The following PIM1 variants were observed in gnomAD, a reference collection of about 807,000 sequenced individuals.
PIM1 encodes serine/threonine-protein kinase pim-1.
Under a neutral mutation model 34.5 loss-of-function variants are expected in PIM1, and 9 were observed. That is an observed-to-expected ratio of 0.26 (90% CI 0.16 to 0.46). PIM1 has a LOEUF of 0.46. PIM1 is among the 20% of genes least tolerant of loss of function. The pLI is 1.00. For missense variants in PIM1, 274 were observed against 410.9 expected (o/e 0.67, Z 2.88); for synonymous variants, 199 against 175.2 (o/e 1.14, Z -1.07).
At chr6:37,173,839 AGACTTGT>A in intron 5 of PIM1, 88 bp from the exon 6 acceptor site, 1 of 1,198,712 alleles carries the variant, frequency 8.3e-7, no homozygotes, top group South Asian at 1.5e-5. Flanking sequence ...CTGGGACCCC[AGACTTGT>A]GGGCCTCTGA....
chr6:37,173,048 C>G lies in PIM1; in HGVS notation c.660C>G (p.Gly220=), dbSNP rs1360064657. 1 of 1,614,180 alleles carries G rather than the reference C, an allele frequency of 6.2e-7. No individual in the cohort carries two copies. The highest frequency in any genetic ancestry group is 8.5e-7 in the Non-Finnish European group (1 of 1,180,022). The change falls in exon 5 of 6, where the codon GGC becomes GGG. Residue 220 remains glycine (G), a synonymous_variant. Coordinates refer to ENST00000373509, the MANE Select transcript of PIM1 (RefSeq NM_002648.4). ...PEWIRYHRYH[G]RSAAVWSLGI... is the part of the protein sequence containing the mutation. The stretch of plus-strand genomic sequence containing the variant: ...GGATCCGCTACCATCGCTACCATGG[C>G]AGGTCGGCGGCAGTCTGGTCCCTGG...
chr6:37,175,132 C>G lies in PIM1; in HGVS notation c.*1041C>G, dbSNP rs528065927. 1 of 233,282 alleles carries G rather than the reference C, an allele frequency of 4.3e-6. No individual in the cohort carries two copies. The highest frequency in any genetic ancestry group is 5.6e-5 in the Admixed American group (1 of 17,726). 14.5% of individuals were successfully genotyped at this position (233,282 alleles called of 1,614,324 possible). On this transcript the variant is annotated 3_prime_UTR_variant, in exon 6 of 6. Transcript: ENST00000373509. ...GACGCTTGCTCTGTTTGTGGGGTGACGGGACTCAGGCGGGACAGTGCTGCA... is the reference window on the plus strand; with the variant it reads ...GACGCTTGCTCTGTTTGTGGGGTGAGGGGACTCAGGCGGGACAGTGCTGCA...
chr6:37,173,928 C>T lies in PIM1; in HGVS notation c.785-6C>T, dbSNP rs772545983. 3.1e-6 allele frequency: 5 copies of T among 1,609,298 alleles called. No individual in the cohort carries two copies. Among genetic ancestry groups the T allele is most frequent in the Non-Finnish European group, 4.2e-6 (5 of 1,177,700 alleles). ...TTCATAACCTCGTCTATCCTCCTTTCTGCAGAATGTCAGCATCTCATTAGA... is the reference window on the plus strand; with the variant it reads ...TTCATAACCTCGTCTATCCTCCTTTTTGCAGAATGTCAGCATCTCATTAGA... On this transcript the variant is annotated splice_polypyrimidine_tract_variant and splice_region_variant and intron_variant, in intron 5 of 5. Coordinates refer to ENST00000373509, the MANE Select transcript of PIM1 (RefSeq NM_002648.4).
Position 37,174,105 on chromosome 6 carries a change from A to G in PIM1, c.*14A>G, listed in dbSNP as rs9470511. ...CCCAGCAAATAGCAGCCTTTCTGGC[A>G]GGTCCTCCCCTCTCTTGTCAGATGC... On this transcript the variant is annotated 3_prime_UTR_variant, in exon 6 of 6. Transcript: ENST00000373509. 4 of 1,609,140 alleles carry G rather than the reference A, an allele frequency of 2.5e-6. No individual in the cohort carries two copies. In the Admixed American group the frequency reaches 6.7e-5, roughly 27 times the overall value.
Position 37,170,324 on chromosome 6 carries a change from C to T in PIM1, c.-252C>T, listed in dbSNP as rs1339896365. 6.8e-7 allele frequency: 1 copy of T among 1,481,016 alleles called. No homozygotes were observed. Among genetic ancestry groups the T allele is most frequent in the Admixed American group, 2.2e-5 (1 of 45,548 alleles). The allele number at this position is 1,481,016 out of a possible 1,614,324, so 91.7% of individuals were successfully genotyped here. ...GGCGCTGCCGCACGAGCCCCACGAG[C>T]CGCTCACCCCGCCGTTCTCAGCGCT... On this transcript the variant is annotated 5_prime_UTR_variant, in exon 1 of 6. Coordinates refer to ENST00000373509, the MANE Select transcript of PIM1 (RefSeq NM_002648.4).
chr6:37,173,149 T>C lies in PIM1; in HGVS notation c.761T>C (p.Phe254Ser). 1.2e-6 allele frequency: 2 copies of C among 1,614,198 alleles called. No homozygotes were observed. Among genetic ancestry groups the C allele is most frequent in the Non-Finnish European group, 1.7e-6 (2 of 1,180,044 alleles). Reference sequence around the variant, plus strand: ...GAAGAGATCATCAGGGGCCAGGTTTTCTTCAGGCAGAGGGTCTCTTCAGGT... The same window carrying C: ...GAAGAGATCATCAGGGGCCAGGTTTCCTTCAGGCAGAGGGTCTCTTCAGGT... The part of the protein sequence containing the change: ...HDEEIIRGQV[F>S]FRQRVSSECQ... Residue 254 changes from phenylalanine (F) to serine (S), a missense_variant, in exon 5 of 6, where the codon TTC becomes TCC. Phe to Ser is a radical substitution (Grantham distance 155). Transcript: ENST00000373509.
Position 37,174,121 on chromosome 6 carries a change from T to G in PIM1, c.*30T>G. 6.3e-7 allele frequency: 1 copy of G among 1,595,106 alleles called. No individual in the cohort carries two copies. ...CTTTCTGGCAGGTCCTCCCCTCTCT[T>G]GTCAGATGCCCGAGGGAGGGGAAGC... is the stretch of plus-strand genomic sequence containing the variant. On this transcript the variant is annotated 3_prime_UTR_variant, in exon 6 of 6. Transcript: ENST00000373509.
chr6:37,172,981 T>C lies in PIM1; in HGVS notation c.608-15T>C, dbSNP rs1397966868. On this transcript the variant is annotated splice_polypyrimidine_tract_variant and intron_variant, in intron 4 of 5. Transcript: ENST00000373509. ...GCTAAAAGTGTGTTTTCTCTTCTAT[T>C]CCCTTGGCTCACAGGGACCCGAGTG... 1 of 1,612,716 alleles carries C rather than the reference T, an allele frequency of 6.2e-7. No homozygotes were observed.
At position 37,170,329 on chromosome 6, in the gene PIM1, CACCCCGCCGTTCTCAGCGCTGCCCG is replaced by C. The variant is rs1276106751; in HGVS notation, c.-239_-215del. 1 of 1,488,970 alleles carries C rather than the reference CACCCCGCCGTTCTCAGCGCTGCCCG, an allele frequency of 6.7e-7. No homozygotes were observed. Among genetic ancestry groups the C allele is most frequent in the Admixed American group, 2.2e-5 (1 of 46,398 alleles). The allele number at this position is 1,488,970 out of a possible 1,614,324, so 92.2% of individuals were successfully genotyped here. A position where few individuals can be genotyped will look rare whatever the true frequency, so the allele number is the denominator to read the frequency against. ...TGCCGCACGAGCCCCACGAGCCGCTCACCCCGCCGTTCTCAGCGCTGCCCGACCCCGCTGGCGCGCCCTCCCGCCG... is the reference window on the plus strand; with the variant it reads ...TGCCGCACGAGCCCCACGAGCCGCTCACCCCGCTGGCGCGCCCTCCCGCCG... On this transcript the variant is annotated 5_prime_UTR_variant, in exon 1 of 6. Coordinates refer to ENST00000373509, the MANE Select transcript of PIM1 (RefSeq NM_002648.4).
chr6:37,170,341 C>G lies in PIM1; in HGVS notation c.-235C>G. On this transcript the variant is annotated 5_prime_UTR_variant, in exon 1 of 6. Transcript: ENST00000373509. ...CCCACGAGCCGCTCACCCCGCCGTTCTCAGCGCTGCCCGACCCCGCTGGCG... is the reference window on the plus strand; with the variant it reads ...CCCACGAGCCGCTCACCCCGCCGTTGTCAGCGCTGCCCGACCCCGCTGGCG... 2 of 1,502,084 alleles carry G rather than the reference C, an allele frequency of 1.3e-6. No individual in the cohort carries two copies. The highest frequency in any genetic ancestry group is 1.8e-6 in the Non-Finnish European group (2 of 1,130,732). The allele number at this position is 1,502,084 out of a possible 1,614,324, so 93.0% of individuals were successfully genotyped here.
chr6:37,172,367 C>T (rs1762304584), intron 4 of PIM1: 4 of 340,724 alleles, frequency 1.2e-5, no homozygotes, highest in South Asian at 9.2e-5. Flanking sequence ...TGAGCACCAG[C>T]GGCATGGCCC....
chr6:37,172,873 A>G, intron 4 of PIM1, 123 bp from the exon 5 acceptor site: 1 of 848,356 alleles, frequency 1.2e-6, no homozygotes, highest in Non-Finnish European at 1.9e-6. Context: ...AATGGAGTTC[A>G]CCTAGCTCCT....
rs778892108 is a variant in PIM1, at chr6:37,171,487, C to T, written c.603C>T (p.Phe201=). ...ALLKDTVYTD[F]DGTRVYSPPE... ...TCAAGGACACCGTCTACACGGACTT[C>T]GATGGTGAGCCAGGCCCGGGAGGGA... The change falls in exon 4 of 6, where the codon TTC becomes TTT. Residue 201 remains phenylalanine, a synonymous_variant. Transcript: ENST00000373509. 2.5e-6 allele frequency: 4 copies of T among 1,613,096 alleles called. No homozygotes were observed. The highest frequency in any genetic ancestry group is 2.7e-5 in the African/African-American group (2 of 75,074).
chr6:37,173,854 T>G (rs1762352395), intron 5 of PIM1, 80 bp from the exon 6 acceptor site: 1 of 1,396,094 alleles, frequency 7.2e-7, no homozygotes, highest in African/African-American at 1.4e-5. Context: ...TGTGGGCCTC[T>G]GAGAAGCAAA....
chr6:37,173,870 A>AT (rs1323983938), intron 5 of PIM1, 64 bp from the exon 6 acceptor site: 1 of 1,471,652 alleles, frequency 6.8e-7, no homozygotes, highest in Non-Finnish European at 9.3e-7. Context: ...GCAAATGGGG[A>AT]AGACCTTTGC....
In PIM1 at chr6:37,174,089, T is replaced by G; in HGVS notation, c.940T>G (p.Ter314GluextTer38). Residue 314 changes from the stop codon to glutamate (E), a stop_lost, in exon 6 of 6, where the codon TAG becomes GAG. Coordinates refer to ENST00000373509, the MANE Select transcript of PIM1 (RefSeq NM_002648.4). ...LHSLSPGPSK[*>E] The stretch of plus-strand genomic sequence containing the variant: ...CAGCCTGTCGCCGGGGCCCAGCAAA[T>G]AGCAGCCTTTCTGGCAGGTCCTCCC... 1 of 1,611,856 alleles carries G rather than the reference T, an allele frequency of 6.2e-7. No individual in the cohort carries two copies. The highest frequency in any genetic ancestry group is 8.5e-7 in the Non-Finnish European group (1 of 1,179,024).
At chr6:37,173,804 G>C (rs971274462) in intron 5 of PIM1, 130 bp from the exon 6 acceptor site, 1 of 712,176 alleles carries the variant, frequency 1.4e-6, no homozygotes, top group Non-Finnish European at 2.3e-6. Flanking sequence ...ACCCAGCACA[G>C]TGTTCTAGAA....
intron 3 of PIM1, 26 bp downstream of exon 3, chr6:37,171,057 C>G: frequency 6.2e-7 from 1 of 1,614,040 alleles, no homozygotes; most frequent in Non-Finnish European, 8.5e-7. Context: ...GAGCGACCCC[C>G]AGGATGAGTG....
At chr6:37,171,920 G>C (rs1242856484) in intron 4 of PIM1, among the ~76,000 whole-genome samples, 1 of 151,674 alleles carries the variant, frequency 6.6e-6, no homozygotes, top group East Asian at 1.9e-4. Flanking sequence ...TAGAGCTGCA[G>C]TTCTTAACTC....
Sources: allele counts gnomAD v4.1 joint callset (sites outside exome capture counted in the v4.1 genomes callset), GRCh38; gene constraint gnomAD v4.1.1; transcripts MANE v1.5; gene names NCBI Gene and HGNC (gene_info 2026-07-23, HGNC 2026-07-21).